The following HIBCH variants were observed in gnomAD, a reference collection of about 807,000 sequenced individuals.
The protein encoded by HIBCH is 3-hydroxyisobutyryl-CoA hydrolase, mitochondrial.
A neutral mutation model predicts 58.2 loss-of-function variants in HIBCH; 50 were observed. The observed-to-expected ratio is 0.86, with a 90% confidence interval of 0.68 to 1.09. The LOEUF (loss-of-function observed/expected upper bound fraction) is 1.09. HIBCH is among the 50% of genes least tolerant of loss of function. The probability of loss-of-function intolerance (pLI) is 0.00; values close to 1 mark genes in which losing one functional copy is unlikely to be tolerated. For synonymous variants in HIBCH, 151 were observed against 146.9 expected, an observed-to-expected ratio of 1.03 and a Z score of -0.20; for missense variants, 450 against 449.7, an observed-to-expected ratio of 1.00 and a Z score of -0.01.
At chr2:190,226,527 G>A (rs1376867542) in intron 11 of HIBCH, among the ~76,000 whole-genome samples, 3 of 149,774 alleles carry the variant, frequency 2.0e-5, no homozygotes, top group Admixed American at 6.7e-5. Flanking sequence ...CCTGGGAGGT[G>A]GAGGTTGCAG....
intron 11 of HIBCH, among the ~76,000 whole-genome samples, chr2:190,223,702 G>A (rs1209956860): frequency 3.3e-5 from 5 of 152,232 alleles, no homozygotes; most frequent in Non-Finnish European, 5.9e-5. Flanking sequence ...GCAAGGAAGT[G>A]AGGAACATGT....
At chr2:190,297,619 A>T (rs1163522911) in intron 2 of HIBCH, among the ~76,000 whole-genome samples, 1 of 152,166 alleles carries the variant, frequency 6.6e-6, no homozygotes, top group Non-Finnish European at 1.5e-5. Flanking sequence ...TGCACAATAT[A>T]ACTTAATCAC....
intron 2 of HIBCH, among the ~76,000 whole-genome samples, chr2:190,305,806 C>T (rs1253555313): frequency 6.6e-6 from 1 of 152,022 alleles, no homozygotes; most frequent in Non-Finnish European, 1.5e-5. Context: ...TAAAATATAA[C>T]ATTTTCTTAA....
intron 6 of HIBCH, among the ~76,000 whole-genome samples, chr2:190,271,730 T>G (rs1474805635): frequency 6.6e-6 from 1 of 152,174 alleles, no homozygotes; most frequent in East Asian, 1.9e-4. Context: ...TCTGTTCTAG[T>G]CATTGCCCCT....
intron 6 of HIBCH, among the ~76,000 whole-genome samples, chr2:190,271,437 G>A (rs776594979): frequency 6.6e-5 from 10 of 151,514 alleles, no homozygotes; most frequent in Admixed American, 5.9e-4. Flanking sequence ...TTACAGGTGC[G>A]CACCACTGGG....
rs1214648788 is a variant in HIBCH at position 190,209,202 on chromosome 2, T to C, written c.1012-289A>G. ...CACTTTGCTCTTCATCCAGCCCAAT[T>C]TCACCAGTCCTTTAATATGGTCACT... is the stretch of plus-strand genomic sequence containing the variant. On this transcript the variant is annotated intron_variant, in intron 12 of 13. Coordinates refer to ENST00000359678, the MANE Select transcript of HIBCH (RefSeq NM_014362.4). The surrounding 1 kb of genome is among the most constrained non-coding windows in gnomAD (Gnocchi z 5.6). Among the ~76,000 whole-genome samples, 1 of 152,180 alleles carries C rather than the reference T, an allele frequency of 6.6e-6. No individual in the cohort carries two copies. Among genetic ancestry groups the C allele is most frequent in the Non-Finnish European group, 1.5e-5 (1 of 68,028 alleles).
chr2:190,247,155 G>C (rs1415715308), intron 9 of HIBCH, among the ~76,000 whole-genome samples: 2 of 151,730 alleles, frequency 1.3e-5, no homozygotes, highest in Non-Finnish European at 2.9e-5. Flanking sequence ...AAACTCTAAG[G>C]GTTGTTTTTT....
At chr2:190,286,137 C>T (rs1238170631) in intron 6 of HIBCH, among the ~76,000 whole-genome samples, 1 of 152,078 alleles carries the variant, frequency 6.6e-6, no homozygotes, top group East Asian at 1.9e-4. Context: ...CCACGACACC[C>T]GGACTTGAAA....
chr2:190,309,745 G>C (rs1688511025), intron 2 of HIBCH, among the ~76,000 whole-genome samples: 1 of 151,782 alleles, frequency 6.6e-6, no homozygotes, highest in East Asian at 1.9e-4. Flanking sequence ...TTTTTTAGCA[G>C]AGATGGGGTT....
intron 11 of HIBCH, among the ~76,000 whole-genome samples, chr2:190,226,282 T>C (rs192527003): frequency 7.5e-6 from 1 of 133,042 alleles, no homozygotes; most frequent in East Asian, 2.5e-4. Flanking sequence ...GAGAAAGAAA[T>C]AAAGGTATTC....
chr2:190,236,405 GAGTTA>G lies in HIBCH; in HGVS notation c.891+8477_891+8481del, dbSNP rs1575713455. Among the ~76,000 whole-genome samples the G allele has an allele frequency of 6.6e-6, 1 of 152,110 alleles. No homozygotes were observed. The highest frequency in any genetic ancestry group is 1.9e-4 in the East Asian group (1 of 5,196). On this transcript the variant is annotated intron_variant, in intron 11 of 13. Coordinates refer to ENST00000359678, the MANE Select transcript of HIBCH (RefSeq NM_014362.4). The surrounding 1 kb of genome is among the most constrained non-coding windows in gnomAD (Gnocchi z 4.1). ...GCTAGTTTAAATCAAACATATTTAA[GAGTTA>G]TGTTCTGCTTTGAACTGTAAATATT...
intron 6 of HIBCH, among the ~76,000 whole-genome samples, chr2:190,267,539 G>C (rs1327000260): frequency 1.3e-5 from 2 of 152,060 alleles, no homozygotes; most frequent in African/African-American, 4.8e-5. Context: ...CATACCAGTA[G>C]AGTTATTTCA....
chr2:190,306,924 C>T lies in HIBCH; in HGVS notation c.78+3830G>A, dbSNP rs1263613387. ...CAGAGAGATAAGATGGCCAACAAGG[C>T]TGTCTATTAACCAGGAAGCTGGCCA... On this transcript the variant is annotated intron_variant, in intron 2 of 13. Coordinates refer to ENST00000359678, the MANE Select transcript of HIBCH (RefSeq NM_014362.4). This position sits in a 1 kb window ranked among gnomAD's most constrained non-coding sequence, Gnocchi z 4.6. Among the ~76,000 whole-genome samples the T allele has an allele frequency of 2.6e-5, 4 of 152,204 alleles. No homozygotes were observed. Among genetic ancestry groups the T allele is most frequent in the African/African-American group, 4.8e-5 (2 of 41,454 alleles).
chr2:190,273,866 G>A (rs1216259786), intron 6 of HIBCH, among the ~76,000 whole-genome samples: 1 of 152,000 alleles, frequency 6.6e-6, no homozygotes, highest in Non-Finnish European at 1.5e-5. Flanking sequence ...CTCAGATGCA[G>A]TGAGACAATC....
chr2:190,193,746 G>T (rs968928740), intron 1 of HIBCH, among the ~76,000 whole-genome samples: 10 of 151,992 alleles, frequency 6.6e-5, no homozygotes, highest in African/African-American at 2.4e-4. Context: ...GTATCTATTA[G>T]ATCTTTTTAA....
At chr2:190,221,987 G>A (rs557237004) in intron 11 of HIBCH, among the ~76,000 whole-genome samples, 1 of 152,254 alleles carries the variant, frequency 6.6e-6, no homozygotes, top group African/African-American at 2.4e-5. Flanking sequence ...CTGGATGTCG[G>A]ACAAGAACTC....
At chr2:190,193,487 T>C (rs1005890229) in intron 1 of HIBCH, among the ~76,000 whole-genome samples, 7 of 152,188 alleles carry the variant, frequency 4.6e-5, no homozygotes, top group African/African-American at 9.6e-5. Flanking sequence ...TGGTATTACT[T>C]CCTCGTAATG....
Position 190,205,187 on chromosome 2 carries a change from AG to A in HIBCH, c.1090del (p.Leu364Ter), listed in dbSNP as rs1223620286. 3.7e-6 allele frequency: 6 copies of A among 1,610,668 alleles called. No homozygotes were observed. The highest frequency in any genetic ancestry group is 8.5e-7 in the Non-Finnish European group (1 of 1,177,378). On this transcript the variant is annotated frameshift_variant, in exon 14 of 14. Transcript: ENST00000359678. LOFTEE classifies it high-confidence loss of function. The part of the protein sequence containing the change: ...DQSPKWKPAD[L>X]KEVTEEDLNN... ...CAAATCTTCCTCAGTAACTTCTTTT[AG>A]ATCAGCTGGTTTCCATTTTGGACTC...
rs1359711125 is a variant in HIBCH, at chr2:190,315,759, T to TA, written c.35+3956dup. The stretch of plus-strand genomic sequence containing the variant: ...TGGAAACAGAAGGGAGTGATATTAT[T>TA]AAGAGTTTTTATAAAGTAAAAACTC... On this transcript the variant is annotated intron_variant, in intron 1 of 13. Coordinates refer to ENST00000359678, the MANE Select transcript of HIBCH (RefSeq NM_014362.4). The surrounding 1 kb of genome is among the most constrained non-coding windows in gnomAD (Gnocchi z 5.4). 2.0e-5 allele frequency among the ~76,000 whole-genome samples: 3 copies of TA among 152,166 alleles called. No individual in the cohort carries two copies. Among genetic ancestry groups the TA allele is most frequent in the African/African-American group, 7.2e-5 (3 of 41,426 alleles).
Sources: allele counts gnomAD v4.1 joint callset (sites outside exome capture counted in the v4.1 genomes callset), GRCh38; gene constraint gnomAD v4.1.1; non-coding constraint Gnocchi (gnomAD v3.1); transcripts MANE v1.5; gene names NCBI Gene and HGNC (gene_info 2026-07-23, HGNC 2026-07-21).